Variants in H6PD observed in about 807,000 individuals in gnomAD.
The protein encoded by H6PD is hexose-6-phosphate dehydrogenase/glucose 1-dehydrogenase.
In H6PD, 48 loss-of-function variants were observed where a neutral mutation model predicts 61.2. The observed-to-expected ratio is 0.78, with a 90% confidence interval of 0.62 to 1.00. The LOEUF (loss-of-function observed/expected upper bound fraction) is 1.00, where lower values mean the gene tolerates loss of function less well. Among genes scored for constraint, H6PD ranks in the 50% least tolerant of loss-of-function variants. The pLI is 0.00. For synonymous variants in H6PD, 480 were observed against 457.9 expected, an observed-to-expected ratio of 1.05 and a Z score of -0.62; for missense variants, 1,093 against 1,065.0, an observed-to-expected ratio of 1.03 and a Z score of -0.37.
At chr1:9,244,753 G>A (rs547145316) in intron 1 of H6PD, among the ~76,000 whole-genome samples, 172 bp from the exon 2 acceptor site, 41 of 152,354 alleles carry the variant, frequency 2.7e-4, no homozygotes, top group African/African-American at 9.4e-4. Context: ...CTGACTTCCT[G>A]GAACAGAAGC....
chr1:9,265,132 TAAGAA>T lies in H6PD; in HGVS notation c.*268_*272del, dbSNP rs927406771. ...CAAATTCAGGCCAGGAGAGAAGTCT[TAAGAA>T]AAGACCTCCAGCAGTTACACATTCA... is the stretch of plus-strand genomic sequence containing the variant. On this transcript the variant is annotated 3_prime_UTR_variant, in exon 5 of 5. Coordinates refer to ENST00000377403, the MANE Select transcript of H6PD (RefSeq NM_004285.4). 2.8e-5 allele frequency: 16 copies of T among 570,176 alleles called. No homozygotes were observed. The highest frequency in any genetic ancestry group is 4.4e-5 in the Non-Finnish European group (14 of 317,674). 35.3% of individuals were successfully genotyped at this position (570,176 alleles called of 1,614,324 possible).
chr1:9,250,872 C>CATT (rs1641340253), intron 3 of H6PD, among the ~76,000 whole-genome samples: 1 of 152,226 alleles, frequency 6.6e-6, no homozygotes, highest in South Asian at 2.1e-4. Context: ...TCCCCTCCAT[C>CATT]CTCCATGCTG....
Position 9,264,692 on chromosome 1 carries a change from G to T in H6PD, c.2199G>T (p.Leu733=). 1 of 1,613,440 alleles carries T rather than the reference G, an allele frequency of 6.2e-7. No homozygotes were observed. The highest frequency in any genetic ancestry group is 8.5e-7 in the Non-Finnish European group (1 of 1,180,018). The change falls in exon 5 of 5, where the codon CTG becomes CTT. Residue 733 remains leucine, a synonymous_variant. Transcript: ENST00000377403. ...SQPHRRMSLS[L]PLINRAKKVA... ...CACACCGCCGCATGAGCCTTAGCCT[G>T]CCTCTCATCAACCGCGCCAAGAAGG...
intron 1 of H6PD, among the ~76,000 whole-genome samples, chr1:9,238,781 C>T (rs545186420): frequency 4.6e-5 from 7 of 152,032 alleles, no homozygotes; most frequent in South Asian, 2.1e-4. Context: ...AAGACTTGGA[C>T]GGATAGGCAG....
chr1:9,254,872 CT>C lies in H6PD; in HGVS notation c.746-7186del, dbSNP rs1641468383. ...TTCGTTGTCATCCCACAATTTCCCC[CT>C]CTCCCCAGCTCCTGGCAACCACAGA... On this transcript the variant is annotated intron_variant, in intron 3 of 4. Transcript: ENST00000377403. The surrounding 1 kb of genome is among the most constrained non-coding windows in gnomAD (Gnocchi z 4.6). 1.3e-5 allele frequency among the ~76,000 whole-genome samples: 2 copies of C among 152,252 alleles called. No homozygotes were observed. Among genetic ancestry groups the C allele is most frequent in the African/African-American group, 4.8e-5 (2 of 41,540 alleles).
chr1:9,239,083 G>A (rs767342579), intron 1 of H6PD, among the ~76,000 whole-genome samples: 1 of 151,390 alleles, frequency 6.6e-6, no homozygotes, highest in Admixed American at 6.6e-5. Flanking sequence ...GTCTCACTCT[G>A]TCACCCAGGC....
chr1:9,261,210 T>A (rs1638277424), intron 3 of H6PD, among the ~76,000 whole-genome samples: 1 of 151,916 alleles, frequency 6.6e-6, no homozygotes, highest in Admixed American at 6.6e-5. Flanking sequence ...TCCTCCAGTG[T>A]CCCCCCTACA....
At position 9,268,238 on chromosome 1, in the gene H6PD, C is replaced by CA. The variant is rs745801230; in HGVS notation, c.*3390dup. The CA allele has an allele frequency of 0.13, 14,540 of 111,488 alleles. 985 individuals carry two copies. The highest frequency in any genetic ancestry group is 0.21 in the South Asian group (712 of 3,392). The allele number at this position is 111,488 out of a possible 1,614,324, so 6.9% of individuals were successfully genotyped here. A position where few individuals can be genotyped will look rare whatever the true frequency, so the allele number is the denominator to read the frequency against. On this transcript the variant is annotated 3_prime_UTR_variant, in exon 5 of 5. Coordinates refer to ENST00000377403, the MANE Select transcript of H6PD (RefSeq NM_004285.4). Reference sequence around the variant, plus strand: ...TGGAAAACAGAGTGAGACCCTATCTCAAAAAAAAAAAAAAAAAAAAAGGAA... The same window carrying CA: ...TGGAAAACAGAGTGAGACCCTATCTCAAAAAAAAAAAAAAAAAAAAAAGGAA...
At chr1:9,247,473 C>G (rs1256119783) in intron 3 of H6PD, among the ~76,000 whole-genome samples, 2 of 152,138 alleles carry the variant, frequency 1.3e-5, no homozygotes, top group Non-Finnish European at 2.9e-5. Context: ...CCTCGCGTCC[C>G]CCTCACCTTC....
intron 3 of H6PD, among the ~76,000 whole-genome samples, chr1:9,248,681 G>T (rs553607852): frequency 6.6e-6 from 1 of 150,700 alleles, no homozygotes; most frequent in Non-Finnish European, 1.5e-5. Flanking sequence ...GCAGCGTGGT[G>T]GGGGGACAAT....
Position 9,265,505 on chromosome 1 carries a change from C to A in H6PD, c.*636C>A. Reference sequence around the variant, plus strand: ...CTGCTCCCGCTTGCCATCCCTGTCTCCTCCATCCTGGCTGTGCAGTAGGAA... The same window carrying A: ...CTGCTCCCGCTTGCCATCCCTGTCTACTCCATCCTGGCTGTGCAGTAGGAA... On this transcript the variant is annotated 3_prime_UTR_variant, in exon 5 of 5. Transcript: ENST00000377403. The A allele has an allele frequency of 6.0e-6, 1 of 167,182 alleles. No homozygotes were observed. The allele number at this position is 167,182 out of a possible 1,614,324, so 10.4% of individuals were successfully genotyped here.
In H6PD at chr1:9,266,512, A is replaced by G. The variant is rs1172829286; in HGVS notation, c.*1643A>G. ...ACATGTGTAGTTTTGTTTGTTCAGT[A>G]TCCCACAACTTAAGGCTGGGAGATG... On this transcript the variant is annotated 3_prime_UTR_variant, in exon 5 of 5. Coordinates refer to ENST00000377403, the MANE Select transcript of H6PD (RefSeq NM_004285.4). 1 of 152,210 alleles carries G rather than the reference A, an allele frequency of 6.6e-6. No homozygotes were observed. The highest frequency in any genetic ancestry group is 2.4e-5 in the African/African-American group (1 of 41,456). 9.4% of individuals were successfully genotyped at this position (152,210 alleles called of 1,614,324 possible). A position where few individuals can be genotyped will look rare whatever the true frequency, so the allele number is the denominator to read the frequency against.
chr1:9,242,367 A>T (rs1032820605), intron 1 of H6PD, among the ~76,000 whole-genome samples: 5 of 152,180 alleles, frequency 3.3e-5, no homozygotes, highest in African/African-American at 1.2e-4. Flanking sequence ...ATACCCACAC[A>T]TACTACCCCC....
chr1:9,237,871 G>A (rs1470106043), intron 1 of H6PD, among the ~76,000 whole-genome samples: 9 of 152,160 alleles, frequency 5.9e-5, no homozygotes, highest in Admixed American at 2.0e-4. Flanking sequence ...TTTATAGAGC[G>A]CCTTCTGTAT....
Position 9,267,236 on chromosome 1 carries a change from G to C in H6PD, c.*2367G>C, listed in dbSNP as rs1638597625. The C allele has an allele frequency of 6.6e-6, 1 of 152,162 alleles. No homozygotes were observed. 9.4% of individuals were successfully genotyped at this position (152,162 alleles called of 1,614,324 possible). A position where few individuals can be genotyped will look rare whatever the true frequency, so the allele number is the denominator to read the frequency against. ...TCTGAGCTTCTACACGTGATGGGCG[G>C]GCTCAGGAGAGGACAGGGAGTCGTG... On this transcript the variant is annotated 3_prime_UTR_variant, in exon 5 of 5. Transcript: ENST00000377403.
chr1:9,263,431 C>T (rs906913496), intron 4 of H6PD, 78 bp from the exon 5 acceptor site: 25 of 1,428,946 alleles, frequency 1.7e-5, no homozygotes, highest in African/African-American at 1.7e-4. Flanking sequence ...CCAGAGGAGC[C>T]GGCAAGGAGA....
chr1:9,243,023 C>T (rs1466712630), intron 1 of H6PD: 1 of 947,540 alleles, frequency 1.1e-6, no homozygotes, highest in East Asian at 1.2e-4. Context: ...GAGAGGAAGG[C>T]TGGGGAGCCA....
rs1341041959 is a variant in H6PD, at chr1:9,262,199, G to A, written c.886G>A (p.Val296Ile). Residue 296 changes from valine to isoleucine, a missense_variant, in exon 4 of 5, where the codon GTC becomes ATC. Val to Ile is a conservative substitution (Grantham distance 29). Coordinates refer to ENST00000377403, the MANE Select transcript of H6PD (RefSeq NM_004285.4). ...GGCTGTGCTGCGGCACAAGCTTCAG[G>A]TCTTCCAGGCGCTGCGGGGCCTGCA... ...AEAVLRHKLQVFQALRGLQRG... is the reference protein window; with the variant it reads ...AEAVLRHKLQIFQALRGLQRG... The A allele has an allele frequency of 6.2e-7, 1 of 1,614,218 alleles. No individual in the cohort carries two copies. Among genetic ancestry groups the A allele is most frequent in the African/African-American group, 1.3e-5 (1 of 75,066 alleles).
At chr1:9,243,598 G>A (rs2100321083) in intron 1 of H6PD, among the ~76,000 whole-genome samples, 1 of 152,304 alleles carries the variant, frequency 6.6e-6, no homozygotes. Context: ...GAGAGCTGTG[G>A]AGGAAGAATT....
Sources: allele counts gnomAD v4.1 joint callset (sites outside exome capture counted in the v4.1 genomes callset), GRCh38; gene constraint gnomAD v4.1.1; non-coding constraint Gnocchi (gnomAD v3.1); transcripts MANE v1.5; gene names NCBI Gene and HGNC (gene_info 2026-07-23, HGNC 2026-07-21).